Variants in PUM1 observed in about 807,000 individuals in gnomAD.
PUM1 encodes the protein pumilio RNA binding family member 1.
Under a neutral mutation model 131.8 loss-of-function variants are expected in PUM1, and 13 were observed. That is an observed-to-expected ratio of 0.10 (90% CI 0.06 to 0.16). The LOEUF (loss-of-function observed/expected upper bound fraction) is 0.16, where lower values mean the gene tolerates loss of function less well. Ranked by LOEUF, PUM1 falls within the 10% of genes least tolerant of loss-of-function variation. PUM1 has a pLI of 1.00. For missense variants in PUM1, 961 were observed against 1,512.4 expected, an observed-to-expected ratio of 0.64 and a Z score of 6.05; for synonymous variants, 509 against 556.5, an observed-to-expected ratio of 0.91 and a Z score of 1.20.
At chr1:30,946,322 T>C (rs1383562499) in intron 17 of PUM1, among the ~76,000 whole-genome samples, 1 of 148,710 alleles carries the variant, frequency 6.7e-6, no homozygotes, top group African/African-American at 2.5e-5. Context: ...AAATTATTTA[T>C]CACAGAGCCT....
chr1:31,047,188 C>CA (rs891129720), intron 2 of PUM1, among the ~76,000 whole-genome samples: 2 of 151,922 alleles, frequency 1.3e-5, no homozygotes, highest in Admixed American at 1.3e-4. Flanking sequence ...GACCCAATCT[C>CA]AAAAAAAGAG....
intron 13 of PUM1, 125 bp downstream of exon 13, chr1:30,965,857 G>C: frequency 8.3e-6 from 8 of 961,386 alleles, no homozygotes; most frequent in Non-Finnish European, 1.2e-5. Flanking sequence ...AGATTATGTG[G>C]GATGGCTGGA....
intron 5 of PUM1, among the ~76,000 whole-genome samples, chr1:31,000,066 T>C (rs549658556): frequency 6.6e-6 from 1 of 152,318 alleles, no homozygotes; most frequent in Non-Finnish European, 1.5e-5. Flanking sequence ...ATTGATCTGA[T>C]TGGTCTGTAG....
intron 2 of PUM1, among the ~76,000 whole-genome samples, chr1:31,057,770 G>T (rs1570372245): frequency 6.6e-6 from 1 of 151,410 alleles, no homozygotes; most frequent in Non-Finnish European, 1.5e-5. Context: ...ACTTTTGGGG[G>T]GATCAGAGGA....
chr1:31,057,805 G>C (rs569484559), intron 2 of PUM1, among the ~76,000 whole-genome samples: 3 of 151,324 alleles, frequency 2.0e-5, no homozygotes, highest in Admixed American at 1.3e-4. Context: ...AGACTTGCAG[G>C]TATGTTTGTA....
intron 10 of PUM1, among the ~76,000 whole-genome samples, chr1:30,972,826 TCA>T (rs1045544328): frequency 2.6e-5 from 4 of 151,644 alleles, no homozygotes; most frequent in African/African-American, 9.7e-5. Context: ...AGGCCTACAA[TCA>T]CAGCACTTTG....
intron 14 of PUM1, among the ~76,000 whole-genome samples, chr1:30,954,485 C>T (rs1377258492): frequency 3.9e-5 from 6 of 152,142 alleles, no homozygotes; most frequent in African/African-American, 7.2e-5. Context: ...AAAAAGCTGT[C>T]TTTGAAGGAA....
intron 7 of PUM1, among the ~76,000 whole-genome samples, chr1:30,985,759 C>A (rs759790827): frequency 6.6e-6 from 1 of 151,642 alleles, no homozygotes; most frequent in Non-Finnish European, 1.5e-5. Flanking sequence ...TTTGTTTTTA[C>A]GGATGAGTAC....
chr1:30,977,698 A>G (rs1035813387), intron 9 of PUM1, among the ~76,000 whole-genome samples: 10 of 152,206 alleles, frequency 6.6e-5, no homozygotes, highest in African/African-American at 2.4e-4. Context: ...CTCAACTGAC[A>G]TATACAAAAA....
Position 31,065,596 on chromosome 1 carries a change from G to T in PUM1, c.-12+20C>A. On this transcript the variant is annotated intron_variant, in intron 1 of 21. Transcript: ENST00000426105. ...GGGGTCCGGAGCAGCGTTTGGGGCC[G>T]GTGGGGTGCGGATACTCACGGGCGG... is the stretch of plus-strand genomic sequence containing the variant. 6.5e-7 allele frequency: 1 copy of T among 1,543,890 alleles called. No individual in the cohort carries two copies.
chr1:31,049,194 C>T (rs1045981650), intron 2 of PUM1, among the ~76,000 whole-genome samples: 1 of 149,334 alleles, frequency 6.7e-6, no homozygotes, highest in African/African-American at 2.5e-5. Context: ...GACAGCGAAA[C>T]TCTGTCTGAA....
At chr1:31,019,296 G>A (rs1053865132) in intron 3 of PUM1, among the ~76,000 whole-genome samples, 2 of 152,236 alleles carry the variant, frequency 1.3e-5, no homozygotes, top group African/African-American at 4.8e-5. Flanking sequence ...AGGTTGCAGT[G>A]AGCCAACATA....
chr1:31,004,341 CAT>C (rs1282800916), intron 5 of PUM1, among the ~76,000 whole-genome samples: 1 of 152,180 alleles, frequency 6.6e-6, no homozygotes, highest in African/African-American at 2.4e-5. Flanking sequence ...TGATCACACA[CAT>C]GACAGAGAAT....
rs1186981368 is a variant in PUM1, at chr1:30,999,611, A to C, written c.721-4391T>G. On this transcript the variant is annotated intron_variant, in intron 5 of 21. Coordinates refer to ENST00000426105, the MANE Select transcript of PUM1 (RefSeq NM_001020658.2). Reference sequence around the variant, plus strand: ...GACAGAGCAAGACTCTGTCTCAAAAAAAAAAAAAAAAAAAAAAAAAAAAAA... The same window carrying C: ...GACAGAGCAAGACTCTGTCTCAAAACAAAAAAAAAAAAAAAAAAAAAAAAA... Among the ~76,000 whole-genome samples, 8 of 9,768 alleles carry C rather than the reference A, an allele frequency of 8.2e-4. 1 individual carries two copies. Among genetic ancestry groups the C allele is most frequent in the African/African-American group, 3.4e-3 (8 of 2,350 alleles). The allele number at this position is 9,768 out of a possible 152,430, so 6.4% of individuals were successfully genotyped here.
Position 30,945,502 on chromosome 1 carries a change from G to C in PUM1, c.2857-19C>G, listed in dbSNP as rs770740688. On this transcript the variant is annotated intron_variant, in intron 17 of 21. Transcript: ENST00000426105. ...TCTCATTCTAATGGAGACAAAGAAA[G>C]CACCACCAGAATCACAGCAAGCAAA... 6.2e-7 allele frequency: 1 copy of C among 1,613,510 alleles called. No homozygotes were observed. The highest frequency in any genetic ancestry group is 1.6e-4 in the Middle Eastern group (1 of 6,062).
At chr1:31,020,814 A>G (rs1416013736) in intron 3 of PUM1, among the ~76,000 whole-genome samples, 1 of 152,190 alleles carries the variant, frequency 6.6e-6, no homozygotes, top group African/African-American at 2.4e-5. Flanking sequence ...CAGAAAATAA[A>G]CTTTTGCTAC....
At chr1:31,062,899 G>A (rs1393035322) in intron 1 of PUM1, among the ~76,000 whole-genome samples, 1 of 152,160 alleles carries the variant, frequency 6.6e-6, no homozygotes, top group East Asian at 1.9e-4. Context: ...AATGGAATTT[G>A]TAATTTGTTT....
intron 9 of PUM1, among the ~76,000 whole-genome samples, chr1:30,979,825 A>G (rs903220087): frequency 6.6e-6 from 1 of 152,228 alleles, no homozygotes; most frequent in African/African-American, 2.4e-5. Context: ...TGGTGGCTCC[A>G]TGGATCAAAA....
intron 7 of PUM1, among the ~76,000 whole-genome samples, chr1:30,985,252 C>G (rs1252806397): frequency 1.3e-5 from 2 of 152,136 alleles, no homozygotes; most frequent in East Asian, 3.8e-4. Flanking sequence ...GAGAGCACCC[C>G]CAACAGACTC....
Sources: allele counts gnomAD v4.1 joint callset (sites outside exome capture counted in the v4.1 genomes callset), GRCh38; gene constraint gnomAD v4.1.1; transcripts MANE v1.5; gene names NCBI Gene and HGNC (gene_info 2026-07-23, HGNC 2026-07-21).